The following BLM variants were observed in gnomAD, a reference collection of about 807,000 sequenced individuals.
BLM encodes the protein BLM RecQ like helicase, also known as recQ-like DNA helicase BLM.
Under a neutral mutation model 135.3 loss-of-function variants are expected in BLM, and 95 were observed. The ratio of observed to expected loss-of-function variants is 0.70; its 90% CI spans 0.59 to 0.83. The LOEUF (loss-of-function observed/expected upper bound fraction) is 0.83, where lower values mean the gene tolerates loss of function less well. Among genes scored for constraint, BLM ranks in the 40% least tolerant of loss-of-function variants. The pLI is 0.00. For missense variants in BLM, 1,518 were observed against 1,663.9 expected, an observed-to-expected ratio of 0.91 and a Z score of 1.53; for synonymous variants, 520 against 589.2, an observed-to-expected ratio of 0.88 and a Z score of 1.70.
At chr15:90,795,245 G>C (rs28385108) in intron 16 of BLM, among the ~76,000 whole-genome samples, 1 of 152,134 alleles carries the variant, frequency 6.6e-6, no homozygotes, top group Admixed American at 6.5e-5. Context: ...TTGGGAGGCC[G>C]AGGCAGGAGG....
At chr15:90,809,996 CAG>C (rs1897371946) in intron 20 of BLM, among the ~76,000 whole-genome samples, 5 of 152,010 alleles carry the variant, frequency 3.3e-5, no homozygotes, top group African/African-American at 1.2e-4. Flanking sequence ...TCCAGACAGG[CAG>C]TGTGGGGGTC....
rs370073229 is a variant in BLM, at chr15:90,794,178, G to A, written c.3031G>A (p.Gly1011Arg). 11 of 1,601,372 alleles carry A rather than the reference G, an allele frequency of 6.9e-6. No homozygotes were observed. The highest frequency in any genetic ancestry group is 2.3e-5 in the East Asian group (1 of 44,366). ...TTCATCTCTTTTAGTGGAAAAAGAT[G>A]GAAACCATCATACAAGAGAAACTCA... The part of the protein sequence containing the change: ...LKRLIMMEKD[G>R]NHHTRETHFN... Residue 1011 changes from glycine (G) to arginine (R), a missense_variant, in exon 16 of 22, where the codon GGA becomes AGA. By Grantham distance (125) the Gly-to-Arg change is moderately radical. Transcript: ENST00000355112.
chr15:90,738,288 G>C (rs1032609242), intron 1 of BLM, among the ~76,000 whole-genome samples: 3 of 152,172 alleles, frequency 2.0e-5, no homozygotes, highest in Non-Finnish European at 4.4e-5. Flanking sequence ...ATTTGATAAA[G>C]GGTTAATACC....
chr15:90,814,527 G>A (rs1331747303), intron 21 of BLM, among the ~76,000 whole-genome samples: 2 of 152,170 alleles, frequency 1.3e-5, no homozygotes, highest in Non-Finnish European at 2.9e-5. Context: ...GGAGCTGCTG[G>A]ACACGGTCCT....
In BLM at chr15:90,806,466, G is replaced by A. The variant is rs570583940; in HGVS notation, c.3751+2107G>A. The stretch of plus-strand genomic sequence containing the variant: ...GTGGAGGTTGCAGTGAGCCAAGATC[G>A]TGCCACTGCCCTCCAGCCTGGGCGA... On this transcript the variant is annotated intron_variant, in intron 19 of 21. Coordinates refer to ENST00000355112, the MANE Select transcript of BLM (RefSeq NM_000057.4). Among the ~76,000 whole-genome samples the A allele has an allele frequency of 5.3e-5, 8 of 150,274 alleles. No homozygotes were observed. In the East Asian group the frequency reaches 9.8e-4, roughly 18 times the overall value.
intron 1 of BLM, among the ~76,000 whole-genome samples, chr15:90,743,587 GGC>G (rs1213692864): frequency 6.6e-6 from 1 of 151,750 alleles, no homozygotes; most frequent in African/African-American, 2.4e-5. Context: ...ATAGTGCAGT[GGC>G]TGTTTACAGG....
chr15:90,786,776 A>G (rs1896759974), intron 14 of BLM, among the ~76,000 whole-genome samples: 1 of 151,378 alleles, frequency 6.6e-6, no homozygotes, highest in Non-Finnish European at 1.5e-5. Flanking sequence ...CACCACACCC[A>G]GCTTATTTTT....
intron 1 of BLM, among the ~76,000 whole-genome samples, chr15:90,746,124 G>T (rs989132223): frequency 2.1e-4 from 32 of 152,160 alleles, no homozygotes; most frequent in African/African-American, 7.5e-4. Flanking sequence ...ATGAGTGAAA[G>T]AAGTAATAAC....
intron 9 of BLM, 71 bp downstream of exon 9, chr15:90,765,485 T>C: frequency 8.3e-7 from 1 of 1,207,030 alleles, no homozygotes; most frequent in Non-Finnish European, 1.2e-6. Flanking sequence ...GATAACCTTT[T>C]TATTAAATAG....
rs1322472868 is a variant in BLM, at chr15:90,769,197, G to A, written c.2372G>A (p.Arg791His). 12 of 1,613,614 alleles carry A rather than the reference G, an allele frequency of 7.4e-6. No individual in the cohort carries two copies. The highest frequency in any genetic ancestry group is 1.3e-5 in the African/African-American group (1 of 74,926). ...CTCTATGAGAGGAAGCTCTTGGCAC[G>A]TTTTGTTATTGATGAAGCACATTGT... ...ENLYERKLLA[R>H]FVIDEAHCVS... The change falls in exon 11 of 22, where the codon CGT (arginine) becomes CAT (histidine). Residue 791 changes from arginine (R) to histidine (H), a missense_variant. Around this residue, in one of 5 missense-constraint regions of BLM, gnomAD observed 626 missense variants for 681.1 expected, o/e 0.92. Transcript: ENST00000355112.
At chr15:90,787,816 G>A (rs768363579) in intron 14 of BLM, among the ~76,000 whole-genome samples, 5 of 152,140 alleles carry the variant, frequency 3.3e-5, no homozygotes, top group Non-Finnish European at 7.3e-5. Flanking sequence ...CGGACGTGGT[G>A]ATGGGCATCT....
intron 16 of BLM, 128 bp from the exon 17 acceptor site, chr15:90,798,062 G>T: frequency 1.4e-6 from 1 of 712,240 alleles, no homozygotes; most frequent in Non-Finnish European, 2.2e-6. Context: ...TGAAATTTCC[G>T]TAGGTTTTGG....
At position 90,794,291 on chromosome 15, in the gene BLM, T is replaced by C; in HGVS notation, c.3144T>C (p.Asn1048=). Residue 1048 remains asparagine, a synonymous_variant, in exon 16 of 22, where the codon AAT becomes AAC. Transcript: ENST00000355112. ...AGCTTTTGGCCTACTTTGGTGAAAATGGATTTAATCCTGATTTTTGTAAGA... is the reference window on the plus strand; with the variant it reads ...AGCTTTTGGCCTACTTTGGTGAAAACGGATTTAATCCTGATTTTTGTAAGA... ...RIQLLAYFGE[N]GFNPDFCKKH... is the part of the protein sequence containing the mutation. The C allele has an allele frequency of 6.2e-7, 1 of 1,606,936 alleles. No homozygotes were observed. The highest frequency in any genetic ancestry group is 8.5e-7 in the Non-Finnish European group (1 of 1,176,206).
At chr15:90,807,667 T>C (rs1897314500) in intron 19 of BLM, among the ~76,000 whole-genome samples, 1 of 152,180 alleles carries the variant, frequency 6.6e-6, no homozygotes, top group South Asian at 2.1e-4. Context: ...CCCAAAGTAT[T>C]GGGATTACAG....
chr15:90,737,189 T>C (rs896582538), intron 1 of BLM, among the ~76,000 whole-genome samples: 5 of 152,110 alleles, frequency 3.3e-5, no homozygotes, highest in Non-Finnish European at 7.4e-5. Context: ...GTTTTTTTTT[T>C]TTAGTGACAG....
rs2227935 is a variant in BLM, at chr15:90,782,869, C to T, written c.2603C>T (p.Pro868Leu). 106,543 of 1,612,548 alleles carry T rather than the reference C, an allele frequency of 0.066. 3,984 individuals are homozygous for T. Among genetic ancestry groups the T allele is most frequent in the Non-Finnish European group, 0.071 (83,325 of 1,178,822 alleles). Residue 868 changes from proline to leucine, a missense_variant, in exon 13 of 22, where the codon CCG becomes CTG. Pro to Leu is a moderately conservative substitution (Grantham distance 98). Coordinates refer to ENST00000355112, the MANE Select transcript of BLM (RefSeq NM_000057.4). Reference sequence around the variant, plus strand: ...CATAATCTGAAATACTATGTATTACCGAAAAAGCCTAAAAAGGTGGCATTT... The same window carrying T: ...CATAATCTGAAATACTATGTATTACTGAAAAAGCCTAAAAAGGTGGCATTT... Reference protein sequence around the residue: ...NRHNLKYYVLPKKPKKVAFDC... With the variant: ...NRHNLKYYVLLKKPKKVAFDC...
intron 1 of BLM, among the ~76,000 whole-genome samples, chr15:90,742,494 G>C (rs1420811870): frequency 6.6e-6 from 1 of 152,102 alleles, no homozygotes; most frequent in Non-Finnish European, 1.5e-5. Context: ...GTTTGACCTA[G>C]TCTTAATTTT....
At chr15:90,745,695 G>T (rs1437429173) in intron 1 of BLM, among the ~76,000 whole-genome samples, 1 of 152,210 alleles carries the variant, frequency 6.6e-6, no homozygotes, top group Non-Finnish European at 1.5e-5. Context: ...ATGGGCATGA[G>T]CCACTGCTGC....
rs2151194238 is a variant in BLM at position 90,803,582 on chromosome 15, C to T, written c.3420C>T (p.His1140=). 6 of 1,613,922 alleles carry T rather than the reference C, an allele frequency of 3.7e-6. No individual in the cohort carries two copies. Among genetic ancestry groups the T allele is most frequent in the Non-Finnish European group, 5.1e-6 (6 of 1,179,854 alleles). Residue 1140 remains histidine, a synonymous_variant, in exon 18 of 22, where the codon CAC becomes CAT. Transcript: ENST00000355112. The part of the protein sequence containing the change: ...IFGKGSAYSR[H]NAERLFKKLI... The stretch of plus-strand genomic sequence containing the variant: ...GAAAAGGATCTGCTTATTCACGACA[C>T]AATGCCGAAAGACTTTTTAAAAAGC...
Sources: allele counts gnomAD v4.1 joint callset (sites outside exome capture counted in the v4.1 genomes callset), GRCh38; gene constraint gnomAD v4.1.1; regional missense constraint gnomAD v4.1.1; transcripts MANE v1.5; gene names NCBI Gene and HGNC (gene_info 2026-07-23, HGNC 2026-07-21).